The following MAGI2 variants were observed in gnomAD, a reference collection of about 807,000 sequenced individuals.
The protein encoded by MAGI2 is membrane associated guanylate kinase, WW and PDZ domain containing 2, also known as membrane-associated guanylate kinase, WW and PDZ domain-containing protein 2.
A neutral mutation model predicts 133.3 loss-of-function variants in MAGI2; 35 were observed. That is an observed-to-expected ratio of 0.26 (90% CI 0.20 to 0.35). MAGI2 has a LOEUF of 0.35. Ranked by LOEUF, MAGI2 falls within the 10% of genes least tolerant of loss-of-function variation. The pLI, the probability that MAGI2 is intolerant of heterozygous loss-of-function variation, is 1.00. For missense variants in MAGI2, 1,636 were observed against 1,863.4 expected (o/e 0.88, Z 2.25); for synonymous variants, 729 against 710.6 (o/e 1.03, Z -0.41).
intron 2 of MAGI2, among the ~76,000 whole-genome samples, chr7:78,943,835 T>C (rs1331497516): frequency 1.3e-5 from 2 of 151,438 alleles, no homozygotes; most frequent in African/African-American, 2.5e-5. Context: ...GAAAATAATA[T>C]TATCAAGACT....
intron 1 of MAGI2, among the ~76,000 whole-genome samples, chr7:79,012,770 C>G (rs934181322): frequency 1.5e-5 from 1 of 67,750 alleles, no homozygotes; most frequent in African/African-American, 6.2e-5. Context: ...CTTAAAGCTG[C>G]TATAACAATA....
chr7:78,693,210 A>T (rs1036724537), intron 2 of MAGI2, among the ~76,000 whole-genome samples: 2 of 152,172 alleles, frequency 1.3e-5, no homozygotes, highest in Non-Finnish European at 2.9e-5. Context: ...TCTGAAAAGG[A>T]TGGAGAAAAA....
At chr7:78,582,500 T>C (rs1295588074) in intron 3 of MAGI2, among the ~76,000 whole-genome samples, 2 of 152,174 alleles carry the variant, frequency 1.3e-5, no homozygotes, top group Admixed American at 6.5e-5. Flanking sequence ...GCCTAAGTCA[T>C]AGCAATTTGC....
chr7:78,968,649 T>C (rs1309907886), intron 2 of MAGI2, among the ~76,000 whole-genome samples: 1 of 152,112 alleles, frequency 6.6e-6, no homozygotes, highest in African/African-American at 2.4e-5. Flanking sequence ...CTAGAAGTTG[T>C]ACTATATCAC....
intron 6 of MAGI2, among the ~76,000 whole-genome samples, chr7:78,371,430 C>A (rs901587982): frequency 6.6e-6 from 1 of 151,692 alleles, no homozygotes; most frequent in African/African-American, 2.4e-5. Context: ...CAATCATGTT[C>A]AATAAACATA....
intron 21 of MAGI2, among the ~76,000 whole-genome samples, chr7:78,059,852 G>T (rs1813038901): frequency 6.6e-6 from 1 of 151,334 alleles, no homozygotes; most frequent in African/African-American, 2.4e-5. Flanking sequence ...ACTTGGTAGA[G>T]ACCCAGGAGA....
chr7:79,019,602 A>G (rs1055656178), intron 1 of MAGI2, among the ~76,000 whole-genome samples: 3 of 151,282 alleles, frequency 2.0e-5, no homozygotes, highest in African/African-American at 4.9e-5. Flanking sequence ...GCTGGAGTGC[A>G]GTGGTGATCT....
chr7:79,020,727 C>T (rs1809235394), intron 1 of MAGI2, among the ~76,000 whole-genome samples: 1 of 147,196 alleles, frequency 6.8e-6, no homozygotes, highest in South Asian at 2.1e-4. Context: ...GATTGCATCA[C>T]TGCACTGCAA....
At chr7:78,181,284 C>A (rs1052178553) in intron 13 of MAGI2, among the ~76,000 whole-genome samples, 6 of 152,188 alleles carry the variant, frequency 3.9e-5, no homozygotes, top group African/African-American at 1.4e-4. Flanking sequence ...TTTCAAGAAA[C>A]TATGCACCAG....
chr7:78,066,925 C>T (rs545890888), intron 21 of MAGI2, among the ~76,000 whole-genome samples: 15 of 152,326 alleles, frequency 9.8e-5, no homozygotes, highest in African/African-American at 2.6e-4. Flanking sequence ...TTGCTCCACA[C>T]GTGGTGCTAT....
At chr7:78,162,401 T>G (rs1373911559) in intron 15 of MAGI2, among the ~76,000 whole-genome samples, 1 of 151,238 alleles carries the variant, frequency 6.6e-6, no homozygotes, top group Non-Finnish European at 1.5e-5. Flanking sequence ...GGTGGGCTCC[T>G]GTAGTCCCAG....
At chr7:78,222,792 A>C (rs1788963074) in intron 10 of MAGI2, among the ~76,000 whole-genome samples, 1 of 152,232 alleles carries the variant, frequency 6.6e-6, no homozygotes, top group Non-Finnish European at 1.5e-5. Flanking sequence ...ACAAATGAAA[A>C]GCCAGAAAAG....
chr7:78,110,405 TAAC>T (rs1253112808), intron 20 of MAGI2, among the ~76,000 whole-genome samples: 1 of 152,168 alleles, frequency 6.6e-6, no homozygotes, highest in Non-Finnish European at 1.5e-5. Context: ...TAAGATGGCA[TAAC>T]AACAACTCGT....
chr7:78,189,746 A>G (rs1370926261), intron 12 of MAGI2, among the ~76,000 whole-genome samples: 1 of 152,194 alleles, frequency 6.6e-6, no homozygotes, highest in East Asian at 1.9e-4. Flanking sequence ...TTATTGCTCC[A>G]GCTTTCAAGG....
rs1331313523 is a variant in MAGI2, at chr7:78,019,255, G to C, written c.*60C>G. On this transcript the variant is annotated 3_prime_UTR_variant, in exon 22 of 22. Transcript: ENST00000354212. Reference sequence around the variant, plus strand: ...GTGAAAATAAATTAAAACGCCGTGAGACGGAACCTAAGAAGAACTGCCTGC... The same window carrying C: ...GTGAAAATAAATTAAAACGCCGTGACACGGAACCTAAGAAGAACTGCCTGC... The C allele has an allele frequency of 1.9e-5, 30 of 1,558,728 alleles. No homozygotes were observed. The highest frequency in any genetic ancestry group is 2.6e-5 in the Non-Finnish European group (30 of 1,155,970).
intron 1 of MAGI2, among the ~76,000 whole-genome samples, chr7:79,306,980 A>ATTTCTT (rs1047079564): frequency 1.3e-5 from 2 of 152,012 alleles, no homozygotes; most frequent in African/African-American, 2.4e-5. Flanking sequence ...CACCCGGCTA[A>ATTTCTT]TTTCTTTTTC....
rs560362267 is a variant in MAGI2 at position 79,187,013 on chromosome 7, G to A, written c.302-179807C>T. 1.5e-3 allele frequency among the ~76,000 whole-genome samples: 225 copies of A among 150,976 alleles called. 3 individuals are homozygous for A. The highest frequency in any genetic ancestry group is 5.2e-3 in the African/African-American group (215 of 41,166). On this transcript the variant is annotated intron_variant, in intron 1 of 21. Transcript: ENST00000354212. ...GATACAAATGCTAATATTTGGAAGCGATTACAATTCAAATGAAACTTAAGT... is the reference window on the plus strand; with the variant it reads ...GATACAAATGCTAATATTTGGAAGCAATTACAATTCAAATGAAACTTAAGT...
chr7:78,295,837 C>A (rs1797176042), intron 9 of MAGI2, among the ~76,000 whole-genome samples: 1 of 152,096 alleles, frequency 6.6e-6, no homozygotes, highest in Admixed American at 6.6e-5. Context: ...ACTGAACGTG[C>A]ATAAAACTGC....
At chr7:78,768,818 C>A (rs1825286822) in intron 2 of MAGI2, among the ~76,000 whole-genome samples, 1 of 152,176 alleles carries the variant, frequency 6.6e-6, no homozygotes, top group Admixed American at 6.5e-5. Flanking sequence ...TCATGCTCCC[C>A]TCTCTAGTGG....
Sources: allele counts gnomAD v4.1 joint callset (sites outside exome capture counted in the v4.1 genomes callset), GRCh38; gene constraint gnomAD v4.1.1; transcripts MANE v1.5; gene names NCBI Gene and HGNC (gene_info 2026-07-23, HGNC 2026-07-21).